The following ZFAND3 variants were observed in gnomAD, a reference collection of about 807,000 sequenced individuals.
ZFAND3 encodes AN1-type zinc finger protein 3.
Under a neutral mutation model 29.6 loss-of-function variants are expected in ZFAND3, and 10 were observed. The ratio of observed to expected loss-of-function variants is 0.34; its 90% CI spans 0.21 to 0.57. The LOEUF is 0.57. Ranked by LOEUF, ZFAND3 falls within the 20% of genes least tolerant of loss-of-function variation. The pLI, the probability that ZFAND3 is intolerant of heterozygous loss-of-function variation, is 0.86. For synonymous variants in ZFAND3, 128 were observed against 112.6 expected (o/e 1.14, Z -0.87); for missense variants, 230 against 304.5 (o/e 0.76, Z 1.82).
intron 1 of ZFAND3, among the ~76,000 whole-genome samples, chr6:37,882,354 T>C (rs1401143861): frequency 1.3e-5 from 2 of 152,182 alleles, no homozygotes; most frequent in Non-Finnish European, 2.9e-5. Context: ...AGAAGCATGA[T>C]ATAGCCGCCC....
chr6:38,150,574 A>G (rs946996749), intron 5 of ZFAND3, among the ~76,000 whole-genome samples: 3 of 152,210 alleles, frequency 2.0e-5, no homozygotes, highest in South Asian at 2.1e-4. Context: ...AGTTAAGGCT[A>G]TTGAATCTTA....
chr6:38,073,232 A>G (rs1284385659), intron 3 of ZFAND3, among the ~76,000 whole-genome samples: 4 of 152,014 alleles, frequency 2.6e-5, no homozygotes, highest in Non-Finnish European at 4.4e-5. Context: ...TAGGAAGAAC[A>G]TGCACCAGTC....
At chr6:37,947,352 AATTTATATT>A (rs1191253642) in intron 2 of ZFAND3, among the ~76,000 whole-genome samples, 1 of 151,700 alleles carries the variant, frequency 6.6e-6, no homozygotes. Flanking sequence ...TAACAGGCAT[AATTTATATT>A]ATTTATATGA....
At chr6:37,949,611 A>AT (rs1373787448) in intron 2 of ZFAND3, among the ~76,000 whole-genome samples, 2 of 152,184 alleles carry the variant, frequency 1.3e-5, no homozygotes, top group African/African-American at 4.8e-5. Context: ...TCAAGTTGAG[A>AT]TTCCCACAAC....
At chr6:38,030,048 C>A (rs1419260265) in intron 2 of ZFAND3, among the ~76,000 whole-genome samples, 2 of 68,608 alleles carry the variant, frequency 2.9e-5, no homozygotes. Context: ...TGTAGTTCTG[C>A]TGGATATATA....
chr6:37,832,275 G>A (rs1763876881), intron 1 of ZFAND3, among the ~76,000 whole-genome samples: 1 of 152,182 alleles, frequency 6.6e-6, no homozygotes, highest in African/African-American at 2.4e-5. Flanking sequence ...ATGGTGGGGA[G>A]TGGTGGTAAA....
At chr6:38,001,030 C>T (rs776928833) in intron 2 of ZFAND3, among the ~76,000 whole-genome samples, 1 of 152,076 alleles carries the variant, frequency 6.6e-6, no homozygotes. Flanking sequence ...GCTCAGAGTT[C>T]GCTCTAATCA....
At chr6:38,143,032 C>T (rs1167337579) in intron 5 of ZFAND3, 1 of 152,224 alleles carries the variant, frequency 6.6e-6, no homozygotes, top group Admixed American at 6.5e-5. Context: ...GCCTCCTAAC[C>T]TTACCCTACC....
At chr6:38,054,634 C>T (rs1436961908) in intron 2 of ZFAND3, among the ~76,000 whole-genome samples, 1 of 152,024 alleles carries the variant, frequency 6.6e-6, no homozygotes, top group Non-Finnish European at 1.5e-5. Flanking sequence ...TTTGCTTTTG[C>T]TTTTTAAAGA....
intron 1 of ZFAND3, among the ~76,000 whole-genome samples, chr6:37,889,886 C>T (rs1272499554): frequency 2.0e-5 from 3 of 152,056 alleles, no homozygotes; most frequent in Non-Finnish European, 4.4e-5. Context: ...TTTTAAGCAG[C>T]GATTTATTTC....
chr6:37,983,197 T>C (rs966207566), intron 2 of ZFAND3, among the ~76,000 whole-genome samples: 1 of 152,000 alleles, frequency 6.6e-6, no homozygotes, highest in African/African-American at 2.4e-5. Flanking sequence ...AAACAATAAA[T>C]TTGGTGTACC....
intron 2 of ZFAND3, among the ~76,000 whole-genome samples, chr6:37,938,937 ACTAGGTC>A (rs897188790): frequency 6.6e-6 from 1 of 152,156 alleles, no homozygotes. Context: ...TTTAGTAGTT[ACTAGGTC>A]TTTTAAGATA....
intron 5 of ZFAND3, among the ~76,000 whole-genome samples, chr6:38,138,377 G>C (rs1051283309): frequency 6.6e-6 from 1 of 152,030 alleles, no homozygotes; most frequent in Non-Finnish European, 1.5e-5. Context: ...AATAGGCAAA[G>C]TAAGAATGAA....
chr6:38,020,181 A>G (rs926523663), intron 2 of ZFAND3, among the ~76,000 whole-genome samples: 1 of 151,134 alleles, frequency 6.6e-6, no homozygotes, highest in Non-Finnish European at 1.5e-5. Context: ...TTGTTTTCTC[A>G]TATGTAAAAT....
At chr6:37,827,861 A>G (rs1337576830) in intron 1 of ZFAND3, among the ~76,000 whole-genome samples, 1 of 152,226 alleles carries the variant, frequency 6.6e-6, no homozygotes, top group Non-Finnish European at 1.5e-5. Context: ...GCCACTTGCT[A>G]CCGCTCTGGC....
intron 2 of ZFAND3, among the ~76,000 whole-genome samples, chr6:37,934,847 A>G (rs987992883): frequency 6.7e-6 from 1 of 148,798 alleles, no homozygotes; most frequent in Non-Finnish European, 1.5e-5. Flanking sequence ...TCAAAAAAAA[A>G]AAAAAAAAAA....
At chr6:38,081,060 CT>C (rs1764651443) in intron 3 of ZFAND3, among the ~76,000 whole-genome samples, 1 of 152,128 alleles carries the variant, frequency 6.6e-6, no homozygotes, top group Admixed American at 6.6e-5. Flanking sequence ...TACATATAGC[CT>C]TTATTACCTG....
intron 3 of ZFAND3, among the ~76,000 whole-genome samples, chr6:38,063,340 C>T (rs1309583944): frequency 6.6e-6 from 1 of 152,112 alleles, no homozygotes; most frequent in African/African-American, 2.4e-5. Context: ...TGGTTATCAA[C>T]CAAGAGTGAT....
intron 1 of ZFAND3, among the ~76,000 whole-genome samples, chr6:37,841,370 A>G (rs1275254562): frequency 6.6e-6 from 1 of 152,036 alleles, no homozygotes; most frequent in African/African-American, 2.4e-5. Context: ...CTATCCATCT[A>G]TTAATCTTAT....
Sources: allele counts gnomAD v4.1 joint callset (sites outside exome capture counted in the v4.1 genomes callset), GRCh38; gene constraint gnomAD v4.1.1; transcripts MANE v1.5; gene names NCBI Gene and HGNC (gene_info 2026-07-23, HGNC 2026-07-21).